The following TMEM17 variants were observed in gnomAD, a reference collection of about 807,000 sequenced individuals.
The protein encoded by TMEM17 is transmembrane protein 17.
TMEM17 carries 15 observed loss-of-function variants against 19.1 expected under a neutral mutation model. The ratio of observed to expected loss-of-function variants is 0.78; its 90% CI spans 0.52 to 1.21. The LOEUF is 1.21. TMEM17 is among the 50% of genes most tolerant of loss of function. The pLI is 0.00. For missense variants in TMEM17, 245 were observed against 242.3 expected, an observed-to-expected ratio of 1.01 and a Z score of -0.07; for synonymous variants, 103 against 86.9, an observed-to-expected ratio of 1.19 and a Z score of -1.03.
chr2:62,475,184 C>G, the TMEM17 span, among the ~76,000 whole-genome samples: 1 of 152,212 alleles, frequency 6.6e-6, no homozygotes, highest in Non-Finnish European at 1.5e-5. Context: ...GTGTTTTCAG[C>G]TTCTGAGCCA....
chr2:62,480,854 G>C, the TMEM17 span, among the ~76,000 whole-genome samples: 1 of 152,096 alleles, frequency 6.6e-6, no homozygotes, highest in Middle Eastern at 3.2e-3. Flanking sequence ...TTCCAGCTTT[G>C]TTCTTTTTGT....
chr2:62,493,291 G>A, the TMEM17 span, among the ~76,000 whole-genome samples: 3 of 152,154 alleles, frequency 2.0e-5, no homozygotes, highest in Non-Finnish European at 2.9e-5. Context: ...GCCTTGCAAA[G>A]TGCTAAGATT....
rs752457591 is a variant in TMEM17, at chr2:62,506,072, T to C, written c.58A>G (p.Ser20Gly). Residue 20 changes from serine (S) to glycine (G), a missense_variant, in exon 1 of 4, where the codon AGT becomes GGT. By Grantham distance (56) the Ser-to-Gly change is moderately conservative. Transcript: ENST00000335390. ...TCTGGACCGGTCCGATTGGAATCAC[T>C]GAACACGGCCCGGCTGAAGTTTCCC... ...RLGNFSRAVF[S>G]DSNRTGPESN... is the part of the protein sequence containing the mutation. The C allele has an allele frequency of 1.9e-6, 3 of 1,610,772 alleles. No individual in the cohort carries two copies. The highest frequency in any genetic ancestry group is 2.5e-6 in the Non-Finnish European group (3 of 1,178,828).
At chr2:62,503,060 T>G (rs922053577) in intron 1 of TMEM17, among the ~76,000 whole-genome samples, 1 of 152,204 alleles carries the variant, frequency 6.6e-6, no homozygotes, top group Non-Finnish European at 1.5e-5. Context: ...CATATACTAC[T>G]GGTATAGATT....
chr2:62,501,478 A>G lies in TMEM17; in HGVS notation c.328T>C (p.Leu110=). ...AGGCTCAAAAGCCAAAAGCCAGCCAACTCAGGAACCTGCAATGACACATAT... is the reference window on the plus strand; with the variant it reads ...AGGCTCAAAAGCCAAAAGCCAGCCAGCTCAGGAACCTGCAATGACACATAT... ...VGNLQEKVPE[L]AGFWLLSLLL... The change falls in exon 4 of 4, where the codon TTG becomes CTG. Residue 110 remains leucine, a synonymous_variant. Transcript: ENST00000335390. 1.9e-6 allele frequency: 3 copies of G among 1,611,252 alleles called. No homozygotes were observed. The highest frequency in any genetic ancestry group is 2.2e-5 in the East Asian group (1 of 44,852).
the TMEM17 span, among the ~76,000 whole-genome samples, chr2:62,467,962 G>A: frequency 4.6e-5 from 7 of 150,924 alleles, no homozygotes; most frequent in East Asian, 1.9e-4. Flanking sequence ...GACTCAGGAC[G>A]TCTTTCAGAG....
the TMEM17 span, among the ~76,000 whole-genome samples, chr2:62,474,494 C>T: frequency 6.6e-6 from 1 of 152,160 alleles, no homozygotes; most frequent in Non-Finnish European, 1.5e-5. Context: ...GGTAACGTTC[C>T]TACATAAAAT....
chr2:62,458,190 A>C, the TMEM17 span, among the ~76,000 whole-genome samples: 1 of 152,248 alleles, frequency 6.6e-6, no homozygotes, highest in Non-Finnish European at 1.5e-5. Context: ...CAAGCCTTTT[A>C]AAATCCCATC....
chr2:62,468,568 G>A, the TMEM17 span, among the ~76,000 whole-genome samples: 1 of 152,160 alleles, frequency 6.6e-6, no homozygotes, highest in East Asian at 1.9e-4. Context: ...TGTGTATGTG[G>A]GTGCATGTGG....
chr2:62,487,965 G>A, the TMEM17 span, among the ~76,000 whole-genome samples: 1 of 152,258 alleles, frequency 6.6e-6, no homozygotes, highest in Non-Finnish European at 1.5e-5. Flanking sequence ...AAAGTGCTGG[G>A]ATTACAGGTG....
At chr2:62,492,778 TAGA>T in the TMEM17 span, among the ~76,000 whole-genome samples, 1 of 152,188 alleles carries the variant, frequency 6.6e-6, no homozygotes, top group Non-Finnish European at 1.5e-5. Flanking sequence ...CAGAATTCCA[TAGA>T]AGATGTGACA....
At chr2:62,494,166 G>A in the TMEM17 span, among the ~76,000 whole-genome samples, 1 of 152,182 alleles carries the variant, frequency 6.6e-6, no homozygotes, top group Non-Finnish European at 1.5e-5. Flanking sequence ...AAAGCATAGT[G>A]GATGACATAT....
the TMEM17 span, among the ~76,000 whole-genome samples, chr2:62,468,951 A>T: frequency 6.6e-6 from 1 of 152,220 alleles, no homozygotes; most frequent in Non-Finnish European, 1.5e-5. Flanking sequence ...AATGCAGACC[A>T]TGGGGTCAAT....
the TMEM17 span, among the ~76,000 whole-genome samples, chr2:62,457,109 CGGCCAGCAGG>C: frequency 1.3e-5 from 2 of 152,216 alleles, no homozygotes; most frequent in Non-Finnish European, 2.9e-5. This position sits in a 1 kb window ranked among gnomAD's most constrained non-coding sequence, Gnocchi z 4.2. Flanking sequence ...ATCTCTCGCG[CGGCCAGCAGG>C]GGCCAGCATC....
Position 62,505,929 on chromosome 2 carries a change from G to C in TMEM17, c.100+101C>G. 4 of 1,126,752 alleles carry C rather than the reference G, an allele frequency of 3.6e-6. No homozygotes were observed. The South Asian group carries it at 5.5e-5, about 15-fold the overall frequency. 69.8% of individuals were successfully genotyped at this position (1,126,752 alleles called of 1,614,324 possible). A position where few individuals can be genotyped will look rare whatever the true frequency, so the allele number is the denominator to read the frequency against. On this transcript the variant is annotated intron_variant, in intron 1 of 3. Transcript: ENST00000335390. The stretch of plus-strand genomic sequence containing the variant: ...CCGCACTGCGGAGAACTGGCTGAAG[G>C]CGACATCGCCATTTTAGGTACGGGC...
At chr2:62,492,573 A>G in the TMEM17 span, among the ~76,000 whole-genome samples, 11 of 152,258 alleles carry the variant, frequency 7.2e-5, no homozygotes, top group African/African-American at 2.7e-4. Context: ...AGTTTATGAA[A>G]AAAAGCTGCT....
At chr2:62,477,529 C>T in the TMEM17 span, among the ~76,000 whole-genome samples, 1 of 152,224 alleles carries the variant, frequency 6.6e-6, no homozygotes, top group Admixed American at 6.5e-5. Flanking sequence ...CAGAGCTGTA[C>T]ATATGCGAGT....
At chr2:62,469,457 A>G in the TMEM17 span, among the ~76,000 whole-genome samples, 623 of 152,288 alleles carry the variant, frequency 4.1e-3, 7 homozygotes, top group African/African-American at 0.015. Flanking sequence ...TTTTTCTTTA[A>G]TTAAAAATCC....
the TMEM17 span, among the ~76,000 whole-genome samples, chr2:62,494,149 G>C: frequency 6.6e-6 from 1 of 152,184 alleles, no homozygotes; most frequent in Non-Finnish European, 1.5e-5. Flanking sequence ...TTTCGTCCTG[G>C]AGTGTCAAAG....
Sources: gnomAD v4.1 joint callset for allele counts (sites outside exome capture counted in the v4.1 genomes callset) on GRCh38, gnomAD v4.1.1 for gene constraint, Gnocchi (gnomAD v3.1) non-coding constraint, MANE v1.5 for transcripts, NCBI Gene and HGNC (gene_info 2026-07-23, HGNC 2026-07-21) for gene names.